Variants in XPNPEP2 observed in about 807,000 individuals in gnomAD.
The protein encoded by XPNPEP2 is xaa-Pro aminopeptidase 2.
In XPNPEP2, 64 loss-of-function variants were observed where a neutral mutation model predicts 59.8. The observed-to-expected ratio is 1.07, with a 90% CI of 0.87 to 1.32. The LOEUF (loss-of-function observed/expected upper bound fraction) is 1.32. XPNPEP2 is among the 40% of genes most tolerant of loss of function. XPNPEP2 has a pLI of 0.00. For synonymous variants in XPNPEP2, 235 were observed against 210.0 expected (o/e 1.12, Z -1.03); for missense variants, 575 against 546.8 (o/e 1.05, Z -0.51).
intron 10 of XPNPEP2, 118 bp from the exon 11 acceptor site, chrX:129,753,041 C>T (rs1334171266): frequency 1.4e-5 from 8 of 559,473 alleles, no homozygotes; most frequent in Non-Finnish European, 2.5e-5. Flanking sequence ...GCAAATCTCA[C>T]GTCTGCTGGG....
chrX:129,762,474 A>ACTCT (rs1390867887), intron 18 of XPNPEP2, among the ~76,000 whole-genome samples: 19 of 111,436 alleles, frequency 1.7e-4, no homozygotes, highest in Admixed American at 3.8e-4. Context: ...CAGGGAAGAG[A>ACTCT]GAGTGAGTCA....
At chrX:129,767,512 C>G in intron 19 of XPNPEP2, 91 bp from the exon 20 acceptor site, 1 of 938,070 alleles carries the variant, frequency 1.1e-6, no homozygotes, top group Admixed American at 2.2e-5. Context: ...TCCTTGTGTC[C>G]TCCGGGTGGA....
In XPNPEP2 at chrX:129,745,216, G is replaced by A; in HGVS notation, c.248G>A (p.Gly83Asp). Residue 83 changes from glycine (G) to aspartate (D), a missense_variant, in exon 4 of 21, where the codon GGC (glycine) becomes GAC (aspartate). Transcript: ENST00000371106. ...GTDAHMNEYI[G>D]QHDERRAWIT... ...TTGATTTCCTAGAACGAGTACATCG[G>A]CCAACATGACGAGAGGCGTGCGTGG... is the stretch of plus-strand genomic sequence containing the variant. The A allele has an allele frequency of 4.1e-6, 5 of 1,211,566 alleles. No individual in the cohort carries two copies. Among genetic ancestry groups the A allele is most frequent in the Non-Finnish European group, 5.6e-6 (5 of 895,472 alleles).
chrX:129,745,933 C>A lies in XPNPEP2; in HGVS notation c.299-303C>A, dbSNP rs56038412. 9.2e-3 allele frequency among the ~76,000 whole-genome samples: 1,023 copies of A among 111,284 alleles called. 18 individuals carry two copies. The highest frequency in any genetic ancestry group is 0.032 in the African/African-American group (988 of 30,544). ...CTCCCTATCAGCCACCGAGTCTTTA[C>A]GCTGAGCCCCATCTTTCCTGAGAGC... On this transcript the variant is annotated intron_variant, in intron 4 of 20. Transcript: ENST00000371106.
chrX:129,742,364 C>T (rs1176410709), intron 2 of XPNPEP2, among the ~76,000 whole-genome samples, 183 bp downstream of exon 2: 1 of 105,811 alleles, frequency 9.5e-6, no homozygotes, highest in African/African-American at 3.5e-5. Context: ...CTCTTGGGCC[C>T]CTCCCCCCTC....
chrX:129,753,045 T>C, intron 10 of XPNPEP2, 114 bp from the exon 11 acceptor site: 1 of 579,092 alleles, frequency 1.7e-6, no homozygotes, highest in East Asian at 3.3e-5. Flanking sequence ...ATCTCACGTC[T>C]GCTGGGTCCT....
At chrX:129,746,714 A>C (rs777167627) in intron 6 of XPNPEP2, 33 bp downstream of exon 6, 2 of 1,168,763 alleles carry the variant, frequency 1.7e-6, no homozygotes, top group Admixed American at 4.4e-5. Context: ...GAATTTGTCC[A>C]TGCTAACGAG....
rs1926244035 is a variant in XPNPEP2 at position 129,743,868 on chromosome X, C to A, written c.124-93C>A. ...CCGCTGCTTCAGGAGAGGCTGGGGG[C>A]TCTTCTGGAGGCCAGGGGCCCAGAT... is the stretch of plus-strand genomic sequence containing the variant. On this transcript the variant is annotated intron_variant, in intron 2 of 20. Coordinates refer to ENST00000371106, the MANE Select transcript of XPNPEP2 (RefSeq NM_003399.6). 4 of 809,801 alleles carry A rather than the reference C, an allele frequency of 4.9e-6. No individual in the cohort carries two copies. The East Asian group carries it at 1.3e-4, about 26-fold the overall frequency. The allele number at this position is 809,801 out of a possible 1,213,427, so 66.7% of individuals were successfully genotyped here.
At chrX:129,761,141 C>A in intron 16 of XPNPEP2, 31 bp from the exon 17 acceptor site, 1 of 1,186,877 alleles carries the variant, frequency 8.4e-7, no homozygotes, top group Non-Finnish European at 1.1e-6. Context: ...GTAAAGCCAT[C>A]TGACTGGGGT....
At chrX:129,745,299 T>A in intron 4 of XPNPEP2, 33 bp downstream of exon 4, 1 of 1,207,599 alleles carries the variant, frequency 8.3e-7, no homozygotes, top group Non-Finnish European at 1.1e-6. Flanking sequence ...ATTGCTTTTG[T>A]TGGTAGATCC....
chrX:129,748,550 A>C (rs1413850340), intron 7 of XPNPEP2, among the ~76,000 whole-genome samples: 1 of 111,884 alleles, frequency 8.9e-6, no homozygotes, highest in East Asian at 2.8e-4. Flanking sequence ...AGTCCACATA[A>C]TTTCTCACTT....
Position 129,761,329 on chromosome X carries a change from A to G in XPNPEP2, c.1603+53A>G, listed in dbSNP as rs187297666. On this transcript the variant is annotated intron_variant, in intron 17 of 20. Transcript: ENST00000371106. The stretch of plus-strand genomic sequence containing the variant: ...CCACCCCCCTTTTATTATACCCTCT[A>G]TGAAGGTAGAGAATTTCACAGGTAT... The G allele has an allele frequency of 2.7e-4, 275 of 1,009,800 alleles. No individual in the cohort carries two copies. In the African/African-American group the frequency reaches 4.2e-3, roughly 15 times the overall value. 83.2% of individuals were successfully genotyped at this position (1,009,800 alleles called of 1,213,427 possible). A position where few individuals can be genotyped will look rare whatever the true frequency, so the allele number is the denominator to read the frequency against.
At chrX:129,753,446 C>T (rs1000459444) in intron 11 of XPNPEP2, among the ~76,000 whole-genome samples, 198 bp downstream of exon 11, 2 of 111,392 alleles carry the variant, frequency 1.8e-5, no homozygotes, top group Admixed American at 9.5e-5. Flanking sequence ...AGTCCGAGAG[C>T]AGCCTGGCCA....
intron 10 of XPNPEP2, among the ~76,000 whole-genome samples, chrX:129,752,721 G>A (rs910762151): frequency 3.6e-5 from 4 of 112,439 alleles, no homozygotes; most frequent in Admixed American, 1.9e-4. Context: ...TCCTGACCTC[G>A]CAGGAGTCGC....
At chrX:129,742,315 T>G in intron 2 of XPNPEP2, 134 bp downstream of exon 2, 1 of 335,822 alleles carries the variant, frequency 3.0e-6, no homozygotes, top group Non-Finnish European at 5.3e-6. Context: ...GGTCAGTTGG[T>G]AGCCCCTCCT....
intron 6 of XPNPEP2, chrX:129,746,934 T>C (rs1448586419): frequency 2.6e-6 from 1 of 384,895 alleles, no homozygotes; most frequent in East Asian, 4.7e-5. Context: ...GAAGACTCAG[T>C]GAATCATTAA....
chrX:129,768,777 CT>C lies in XPNPEP2; in HGVS notation c.*293del. ...CAGCTAGTCTCTTCTCTTCTGTGAT[CT>C]CAGTAGGCCTAACCTATAACCTAGC... On this transcript the variant is annotated 3_prime_UTR_variant, in exon 21 of 21. Coordinates refer to ENST00000371106, the MANE Select transcript of XPNPEP2 (RefSeq NM_003399.6). 1 of 227,774 alleles carries C rather than the reference CT, an allele frequency of 4.4e-6. No individual in the cohort carries two copies. The highest frequency in any genetic ancestry group is 1.9e-4 in the South Asian group (1 of 5,307). The allele number at this position is 227,774 out of a possible 1,213,427, so 18.8% of individuals were successfully genotyped here.
rs759257272 is a variant in XPNPEP2, at chrX:129,752,132, T to A, written c.822-18T>A. The A allele has an allele frequency of 3.3e-6, 4 of 1,204,236 alleles. No homozygotes were observed. The highest frequency in any genetic ancestry group is 3.4e-6 in the Non-Finnish European group (3 of 891,784). On this transcript the variant is annotated intron_variant, in intron 9 of 20. Transcript: ENST00000371106. ...TAGCAGATGCTCAGGACCCTCCTTG[T>A]CTTCCCACCCCACCCAGGTTGTTTG...
intron 2 of XPNPEP2, among the ~76,000 whole-genome samples, chrX:129,743,430 C>T (rs192499073): frequency 1.7e-4 from 19 of 112,400 alleles, no homozygotes; most frequent in African/African-American, 3.9e-4. Context: ...ATACAGGACA[C>T]CCAGTTACAT....
Sources: gnomAD v4.1 joint callset for allele counts (sites outside exome capture counted in the v4.1 genomes callset) on GRCh38, gnomAD v4.1.1 for gene constraint, MANE v1.5 for transcripts, NCBI Gene and HGNC (gene_info 2026-07-23, HGNC 2026-07-21) for gene names.